Variants in DLGAP1 observed in about 807,000 individuals in gnomAD.
DLGAP1 encodes the protein disks large-associated protein 1.
A neutral mutation model predicts 90.8 loss-of-function variants in DLGAP1; 11 were observed. The observed-to-expected ratio is 0.12, with a 90% confidence interval of 0.08 to 0.20. The LOEUF is 0.20. DLGAP1 is among the 10% of genes least tolerant of loss of function. The pLI, the probability that DLGAP1 is intolerant of heterozygous loss-of-function variation, is 1.00. For synonymous variants in DLGAP1, 558 were observed against 540.7 expected (o/e 1.03, Z -0.44); for missense variants, 1,050 against 1,333.8 (o/e 0.79, Z 3.31).
intron 12 of DLGAP1, chr18:3,502,180 GT>G: frequency 8.3e-7 from 1 of 1,205,210 alleles, no homozygotes; most frequent in Non-Finnish European, 1.0e-6. Context: ...ATTTATTTTA[GT>G]TTAAAAAGCA....
intron 2 of DLGAP1, among the ~76,000 whole-genome samples, chr18:4,134,788 A>G (rs749578153): frequency 1.8e-4 from 28 of 151,864 alleles, no homozygotes; most frequent in Non-Finnish European, 2.4e-4. Flanking sequence ...CCAGGACATG[A>G]TTTTTTTTCC....
rs1555677355 is a variant in DLGAP1, at chr18:3,551,601, T to TTTTC, written c.2057+15885_2057+15888dup. Among the ~76,000 whole-genome samples, 94 of 27,612 alleles carry TTTTC rather than the reference T, an allele frequency of 3.4e-3. 1 individual carries two copies. The highest frequency in any genetic ancestry group is 0.01 in the East Asian group (4 of 390). 18.1% of individuals were successfully genotyped at this position (27,612 alleles called of 152,430 possible). A position where few individuals can be genotyped will look rare whatever the true frequency, so the allele number is the denominator to read the frequency against. ...TTTTCTTTTCTTTCTTTCTTTTTCT[T>TTTTC]TTTCTTTCTTTCTTTCTTTTTCTTT... On this transcript the variant is annotated intron_variant, in intron 9 of 12. Transcript: ENST00000315677.
At chr18:3,863,522 T>C (rs184749571) in intron 4 of DLGAP1, among the ~76,000 whole-genome samples, 45 of 152,342 alleles carry the variant, frequency 3.0e-4, no homozygotes, top group Admixed American at 7.8e-4. Context: ...AGCTCTGCTC[T>C]TCTCACACCT....
intron 1 of DLGAP1, among the ~76,000 whole-genome samples, chr18:4,205,067 C>CT (rs1313648638): frequency 6.6e-6 from 1 of 152,138 alleles, no homozygotes; most frequent in Non-Finnish European, 1.5e-5. Flanking sequence ...CCAGGGAGTA[C>CT]TTTCAGTGCT....
At chr18:3,601,009 GATAGATAT>G (rs1490991295) in intron 7 of DLGAP1, among the ~76,000 whole-genome samples, 58 of 118,962 alleles carry the variant, frequency 4.9e-4, no homozygotes, top group East Asian at 1.9e-3. Flanking sequence ...TATAGATATA[GATAGATAT>G]ATAGATATAT....
chr18:3,779,453 G>A (rs1259564728), intron 5 of DLGAP1, among the ~76,000 whole-genome samples: 1 of 152,108 alleles, frequency 6.6e-6, no homozygotes, highest in Non-Finnish European at 1.5e-5. Flanking sequence ...CAAACCCATA[G>A]TAATCCATCC....
At chr18:3,951,647 T>C (rs1046492471) in intron 3 of DLGAP1, among the ~76,000 whole-genome samples, 3 of 152,184 alleles carry the variant, frequency 2.0e-5, no homozygotes, top group African/African-American at 4.8e-5. Context: ...GTAATCTGAA[T>C]TGTAATTCCT....
At chr18:4,349,776 T>C (rs1245290753) in intron 1 of DLGAP1, among the ~76,000 whole-genome samples, 4 of 152,054 alleles carry the variant, frequency 2.6e-5, no homozygotes, top group Admixed American at 1.3e-4. Context: ...TCTGGGGGTG[T>C]TAATCAGGAC....
intron 7 of DLGAP1, among the ~76,000 whole-genome samples, chr18:3,709,834 C>T (rs780670535): frequency 8.5e-5 from 13 of 152,088 alleles, no homozygotes; most frequent in Non-Finnish European, 1.6e-4. Flanking sequence ...GCATTCCTAC[C>T]GTTGCCATGC....
At chr18:3,935,592 T>C (rs2072617770) in intron 3 of DLGAP1, among the ~76,000 whole-genome samples, 3 of 152,316 alleles carry the variant, frequency 2.0e-5, no homozygotes, top group East Asian at 3.9e-4. Context: ...ACATGTGCAG[T>C]GGTCCATCTG....
chr18:4,451,623 C>A (rs1452695871), intron 1 of DLGAP1, among the ~76,000 whole-genome samples: 1 of 152,096 alleles, frequency 6.6e-6, no homozygotes, highest in Admixed American at 6.5e-5. Flanking sequence ...TAACAAGAAT[C>A]GAGCTACAAA....
At chr18:4,221,431 A>G (rs1310581475) in intron 1 of DLGAP1, among the ~76,000 whole-genome samples, 1 of 152,090 alleles carries the variant, frequency 6.6e-6, no homozygotes, top group Non-Finnish European at 1.5e-5. Context: ...CCTCACTGAC[A>G]TCAGGTTTGG....
chr18:3,916,454 G>A lies in DLGAP1; in HGVS notation c.-72-36314C>T, dbSNP rs567624615. 3.0e-4 allele frequency among the ~76,000 whole-genome samples: 45 copies of A among 152,134 alleles called. No homozygotes were observed. In the Middle Eastern group the frequency reaches 0.014, roughly 46 times the overall value. On this transcript the variant is annotated intron_variant, in intron 3 of 12. Transcript: ENST00000315677. ...AAAAACTGTACAACAGTCACAACTC[G>A]GTTCCACTCCTCTCAGATCTACCTA...
intron 9 of DLGAP1, among the ~76,000 whole-genome samples, chr18:3,550,335 C>T (rs7231323): frequency 0.013 from 1,952 of 152,278 alleles, 50 homozygotes; most frequent in African/African-American, 0.045. Flanking sequence ...AAGCCATCCT[C>T]CTACCTCAGC....
intron 3 of DLGAP1, among the ~76,000 whole-genome samples, chr18:3,976,688 T>G (rs1011349000): frequency 1.4e-4 from 22 of 152,230 alleles, no homozygotes; most frequent in South Asian, 1.2e-3. Context: ...TTTATGACTT[T>G]TTACATTATT....
At chr18:3,852,350 T>C (rs529002342) in intron 4 of DLGAP1, among the ~76,000 whole-genome samples, 8 of 152,162 alleles carry the variant, frequency 5.3e-5, no homozygotes, top group Non-Finnish European at 1.2e-4. Flanking sequence ...CACAGAAATA[T>C]CTAACCTCAG....
chr18:3,702,998 C>T (rs914635652), intron 7 of DLGAP1, among the ~76,000 whole-genome samples: 4 of 152,184 alleles, frequency 2.6e-5, no homozygotes, highest in African/African-American at 9.7e-5. Flanking sequence ...GCAAGGGTCT[C>T]TGGAGTGTTC....
intron 1 of DLGAP1, among the ~76,000 whole-genome samples, chr18:4,261,276 C>T (rs1415539967): frequency 1.3e-5 from 2 of 152,118 alleles, no homozygotes; most frequent in Non-Finnish European, 2.9e-5. Flanking sequence ...CCTTGATCCC[C>T]AGCTCTCACA....
chr18:4,204,367 C>T (rs1217408541), intron 1 of DLGAP1, among the ~76,000 whole-genome samples: 1 of 152,136 alleles, frequency 6.6e-6, no homozygotes, highest in East Asian at 1.9e-4. Flanking sequence ...GGGAATCTTG[C>T]CAAGACAACT....
Sources: allele counts gnomAD v4.1 joint callset (sites outside exome capture counted in the v4.1 genomes callset), GRCh38; gene constraint gnomAD v4.1.1; transcripts MANE v1.5; gene names NCBI Gene and HGNC (gene_info 2026-07-23, HGNC 2026-07-21).